Variants in XRCC4 observed in about 807,000 individuals in gnomAD.
The protein encoded by XRCC4 is X-ray repair cross complementing 4.
Under a neutral mutation model 39.1 loss-of-function variants are expected in XRCC4, and 28 were observed. The ratio of observed to expected loss-of-function variants is 0.72; its 90% confidence interval spans 0.53 to 0.98. The LOEUF is 0.98. XRCC4 is among the 50% of genes least tolerant of loss of function. XRCC4 has a pLI of 0.00. For missense variants in XRCC4, 350 were observed against 376.4 expected (o/e 0.93, Z 0.58); for synonymous variants, 123 against 126.4 (o/e 0.97, Z 0.18).
chr5:83,183,444 G>A lies in XRCC4; in HGVS notation c.316-12326G>A, dbSNP rs906609062. On this transcript the variant is annotated intron_variant, in intron 3 of 7. Coordinates refer to ENST00000396027, the MANE Select transcript of XRCC4 (RefSeq NM_003401.5). ...TGTGTGTGTGTGTGTGTGTGTGTGT[G>A]TGTGTGTGTGGCACATCAAGCCTGT... 2.0e-5 allele frequency among the ~76,000 whole-genome samples: 3 copies of A among 148,268 alleles called. No homozygotes were observed. In the South Asian group the frequency reaches 6.7e-4, roughly 33 times the overall value.
chr5:83,085,185 A>G (rs1278895216), intron 1 of XRCC4, among the ~76,000 whole-genome samples: 1 of 152,196 alleles, frequency 6.6e-6, no homozygotes, highest in East Asian at 1.9e-4. Context: ...TTGGATAAAG[A>G]AGGAACTTGC....
chr5:83,320,615 G>A (rs1756035115), intron 7 of XRCC4, among the ~76,000 whole-genome samples: 1 of 151,656 alleles, frequency 6.6e-6, no homozygotes. Flanking sequence ...TCAGTGTCAT[G>A]AACTTCATTG....
chr5:83,092,770 A>C lies in XRCC4; in HGVS notation c.-10-12140A>C, dbSNP rs543828266. On this transcript the variant is annotated intron_variant, in intron 1 of 7. Coordinates refer to ENST00000396027, the MANE Select transcript of XRCC4 (RefSeq NM_003401.5). The stretch of plus-strand genomic sequence containing the variant: ...TAGCCAAAAAGCAAAAATCTGTAGG[A>C]GATTCACAAAAAATAAAATTAGATT... Among the ~76,000 whole-genome samples the C allele has an allele frequency of 2.0e-5, 3 of 152,244 alleles. No homozygotes were observed. The East Asian group carries it at 5.8e-4, about 29-fold the overall frequency.
At chr5:83,356,093 A>G (rs1554077028), downstream of XRCC4, among the ~76,000 whole-genome samples, 1 of 137,578 alleles carries the variant, frequency 7.3e-6, no homozygotes, top group South Asian at 2.2e-4. Flanking sequence ...AAAGGAAAAA[A>G]ACTTTTAAAT....
rs577282112 is a variant in XRCC4 at position 83,283,737 on chromosome 5, C to T, written c.893+25060C>T. Among the ~76,000 whole-genome samples the T allele has an allele frequency of 2.6e-5, 4 of 152,252 alleles. No homozygotes were observed. In the East Asian group the frequency reaches 7.7e-4, roughly 29 times the overall value. ...ATGTTCCATGTGCCCCACCTTCCTT[C>T]TCAGACATGAATGTACTTGTGAAGC... On this transcript the variant is annotated intron_variant, in intron 7 of 7. Transcript: ENST00000396027.
At chr5:83,261,390 G>A (rs778545235) in intron 7 of XRCC4, among the ~76,000 whole-genome samples, 16 of 151,752 alleles carry the variant, frequency 1.1e-4, no homozygotes, top group Non-Finnish European at 1.8e-4. Context: ...ACAAATAAAC[G>A]CAGATATGGT....
At chr5:83,190,883 C>T (rs1750663824) in intron 3 of XRCC4, among the ~76,000 whole-genome samples, 1 of 152,092 alleles carries the variant, frequency 6.6e-6, no homozygotes, top group Non-Finnish European at 1.5e-5. Context: ...TAACTGTGCC[C>T]TTTTTGTTTA....
chr5:83,342,393 C>T (rs913860911), intron 7 of XRCC4, among the ~76,000 whole-genome samples: 7 of 152,078 alleles, frequency 4.6e-5, no homozygotes. Flanking sequence ...TTAGATTTCT[C>T]ATCCTTTCCC....
At chr5:83,227,110 T>C (rs1178290232) in intron 6 of XRCC4, among the ~76,000 whole-genome samples, 4 of 152,144 alleles carry the variant, frequency 2.6e-5, no homozygotes, top group Admixed American at 2.6e-4. Flanking sequence ...TGATATACTT[T>C]ATTTATTAAA....
At chr5:83,354,232 T>C (rs1188373999), downstream of XRCC4, among the ~76,000 whole-genome samples, 1 of 152,218 alleles carries the variant, frequency 6.6e-6, no homozygotes, top group African/African-American at 2.4e-5. Context: ...CAATAGCATA[T>C]GCTCTTTGTA....
chr5:83,333,950 A>G (rs1333249181), intron 7 of XRCC4, among the ~76,000 whole-genome samples: 1 of 151,990 alleles, frequency 6.6e-6, no homozygotes, highest in African/African-American at 2.4e-5. Flanking sequence ...TTGTATTTTT[A>G]GTAGAGACGG....
chr5:83,115,948 G>A (rs1398308189), intron 3 of XRCC4, among the ~76,000 whole-genome samples: 1 of 152,142 alleles, frequency 6.6e-6, no homozygotes, highest in East Asian at 1.9e-4. Context: ...TTTAGATGAG[G>A]TAAAACTTTC....
chr5:83,129,283 T>C (rs1463543044), intron 3 of XRCC4, among the ~76,000 whole-genome samples: 1 of 149,528 alleles, frequency 6.7e-6, no homozygotes, highest in Non-Finnish European at 1.5e-5. Flanking sequence ...ATCAGATGGT[T>C]GTAGATGTGT....
At chr5:83,287,354 G>A (rs116475529) in intron 7 of XRCC4, among the ~76,000 whole-genome samples, 2,494 of 152,084 alleles carry the variant, frequency 0.016, 30 homozygotes, top group South Asian at 0.031. Context: ...CAATATCCTA[G>A]TGTAACAGAG....
intron 3 of XRCC4, among the ~76,000 whole-genome samples, chr5:83,192,298 G>T: frequency 8.3e-6 from 1 of 120,876 alleles, no homozygotes; most frequent in Non-Finnish European, 1.8e-5. Context: ...GTATGTATAC[G>T]TATATATAAT....
chr5:83,116,248 AG>A (rs961541276), intron 3 of XRCC4, among the ~76,000 whole-genome samples: 1 of 152,202 alleles, frequency 6.6e-6, no homozygotes, highest in Non-Finnish European at 1.5e-5. Flanking sequence ...CTTAGAAGAA[AG>A]GAAAAGAATG....
At chr5:83,183,412 T>TTGTGTG (rs369446374) in intron 3 of XRCC4, among the ~76,000 whole-genome samples, 18,479 of 139,154 alleles carry the variant, frequency 0.13, 1,240 homozygotes, top group Non-Finnish European at 0.15. Context: ...TTTCATTTAT[T>TTGTGTG]TGTGTGTGTG....
intron 3 of XRCC4, among the ~76,000 whole-genome samples, chr5:83,156,704 A>C (rs993718399): frequency 6.6e-6 from 1 of 152,124 alleles, no homozygotes; most frequent in African/African-American, 2.4e-5. Flanking sequence ...TATGGCAGAA[A>C]GCATAAATTT....
intron 6 of XRCC4, among the ~76,000 whole-genome samples, chr5:83,256,013 A>G (rs909111420): frequency 2.6e-5 from 4 of 152,256 alleles, no homozygotes; most frequent in African/African-American, 4.8e-5. Flanking sequence ...TAATTTACTC[A>G]TGAAAACCCA....
Sources: gnomAD v4.1 joint callset for allele counts (sites outside exome capture counted in the v4.1 genomes callset) on GRCh38, gnomAD v4.1.1 for gene constraint, MANE v1.5 for transcripts, NCBI Gene and HGNC (gene_info 2026-07-23, HGNC 2026-07-21) for gene names.